MYT1L: variants seen among roughly 807,000 people sequenced by gnomAD.
The protein encoded by MYT1L is myelin transcription factor 1-like protein.
In MYT1L, 12 loss-of-function variants were observed where a neutral mutation model predicts 126.7. That is an observed-to-expected ratio of 0.09 (90% CI 0.06 to 0.15). MYT1L has a LOEUF of 0.15. Among genes scored for constraint, MYT1L ranks in the 10% least tolerant of loss-of-function variants. The pLI is 1.00. For missense variants in MYT1L, 979 were observed against 1,585.2 expected, an observed-to-expected ratio of 0.62 and a Z score of 6.49; for synonymous variants, 541 against 604.2, an observed-to-expected ratio of 0.90 and a Z score of 1.53.
chr2:1,948,668 C>T (rs892151516), intron 8 of MYT1L, among the ~76,000 whole-genome samples: 5 of 132,888 alleles, frequency 3.8e-5, no homozygotes, highest in African/African-American at 8.5e-5. Flanking sequence ...CTGGTGGTGC[C>T]GCCCAGCAAC....
At chr2:2,170,974 CTTA>C (rs2089973420) in intron 3 of MYT1L, among the ~76,000 whole-genome samples, 1 of 152,260 alleles carries the variant, frequency 6.6e-6, no homozygotes, top group East Asian at 1.9e-4. Flanking sequence ...GCGTCTTGCT[CTTA>C]TTATTATCTA....
At chr2:1,824,071 C>A (rs1273357266) in intron 21 of MYT1L, among the ~76,000 whole-genome samples, 1 of 152,196 alleles carries the variant, frequency 6.6e-6, no homozygotes, top group South Asian at 2.1e-4. Flanking sequence ...GTGCCAAGCC[C>A]TCTCCATGGG....
At chr2:2,260,452 C>A (rs2094933863) in intron 2 of MYT1L, among the ~76,000 whole-genome samples, 1 of 152,170 alleles carries the variant, frequency 6.6e-6, no homozygotes, top group Non-Finnish European at 1.5e-5. Context: ...AAACCAGAAA[C>A]TGAATGCTGT....
At chr2:1,949,435 T>G (rs1417614257) in intron 8 of MYT1L, among the ~76,000 whole-genome samples, 2 of 152,034 alleles carry the variant, frequency 1.3e-5, no homozygotes, top group African/African-American at 4.8e-5. Context: ...TCACGATGTC[T>G]TTTTGCTGTT....
intron 8 of MYT1L, among the ~76,000 whole-genome samples, chr2:1,973,986 G>A (rs1421300691): frequency 1.3e-5 from 2 of 152,216 alleles, no homozygotes; most frequent in Admixed American, 1.3e-4. Context: ...GTCAAGGTTG[G>A]TGACTTCCTA....
intron 9 of MYT1L, among the ~76,000 whole-genome samples, chr2:1,931,067 T>C (rs1177271071): frequency 6.6e-6 from 1 of 152,322 alleles, no homozygotes; most frequent in East Asian, 1.9e-4. Flanking sequence ...GCACACACCC[T>C]GCATGTGGGA....
chr2:1,835,170 G>A (rs1222433287), intron 21 of MYT1L, among the ~76,000 whole-genome samples: 1 of 152,194 alleles, frequency 6.6e-6, no homozygotes, highest in African/African-American at 2.4e-5. Context: ...TCCCCATAAA[G>A]CCATCTTAAG....
chr2:2,317,363 T>G (rs2096083656), intron 1 of MYT1L, among the ~76,000 whole-genome samples: 1 of 152,146 alleles, frequency 6.6e-6, no homozygotes. Flanking sequence ...CCTTTGAGAT[T>G]GCTGTCCATG....
chr2:1,815,715 G>T (rs1030179930), intron 21 of MYT1L, among the ~76,000 whole-genome samples: 1 of 152,206 alleles, frequency 6.6e-6, no homozygotes, highest in South Asian at 2.1e-4. Flanking sequence ...CAGAACTCCC[G>T]GCCTCTCCGC....
chr2:2,209,818 G>A (rs377635209), intron 2 of MYT1L, among the ~76,000 whole-genome samples: 2 of 152,074 alleles, frequency 1.3e-5, no homozygotes, highest in African/African-American at 4.8e-5. Context: ...ACTCAGCTGT[G>A]AGATTGCTGG....
intron 8 of MYT1L, among the ~76,000 whole-genome samples, chr2:1,956,191 G>GTCTGTCTGTCTGTCTGTCTA (rs1553354694): frequency 9.6e-5 from 14 of 145,876 alleles, no homozygotes; most frequent in South Asian, 2.2e-4. Context: ...TTACCTAGCT[G>GTCTGTCTGTCTGTCTGTCTA]TCTATCTATC....
intron 23 of MYT1L, among the ~76,000 whole-genome samples, chr2:1,794,026 G>A (rs114844152): frequency 1.6e-4 from 25 of 152,324 alleles, no homozygotes; most frequent in African/African-American, 5.1e-4. Context: ...GTAAGCAGAC[G>A]TAGGTTTTCT....
intron 2 of MYT1L, among the ~76,000 whole-genome samples, chr2:2,215,906 T>C (rs111966506): frequency 0.012 from 1,769 of 152,290 alleles, 16 homozygotes; most frequent in Non-Finnish European, 0.016. Context: ...GTTCGGGTCA[T>C]AGGGGTGGAT....
chr2:1,857,207 C>T (rs889894436), intron 18 of MYT1L, among the ~76,000 whole-genome samples: 5 of 152,224 alleles, frequency 3.3e-5, no homozygotes, highest in Admixed American at 2.0e-4. Context: ...GTGGGTCCAC[C>T]ATCATCTATC....
chr2:1,934,291 C>CATATATATATATATATAT lies in MYT1L; in HGVS notation c.505+8690_505+8691insATATATATATATATATAT, dbSNP rs71276815. On this transcript the variant is annotated intron_variant, in intron 9 of 24. Coordinates refer to ENST00000647738, the MANE Select transcript of MYT1L (RefSeq NM_001303052.2). The stretch of plus-strand genomic sequence containing the variant: ...CCCCGCCTGATTTTGATTTTTATAA[C>CATATATATATATATATAT]ATATATATATATATATACAACCTCA... 1.2e-3 allele frequency among the ~76,000 whole-genome samples: 143 copies of CATATATATATATATATAT among 123,540 alleles called. 2 individuals are homozygous for CATATATATATATATATAT. The highest frequency in any genetic ancestry group is 4.1e-3 in the African/African-American group (135 of 33,182). 81.0% of individuals were successfully genotyped at this position (123,540 alleles called of 152,430 possible).
chr2:2,005,385 CTGCTTTCTTTCCTGCG>C (rs2063155916), intron 4 of MYT1L, among the ~76,000 whole-genome samples: 1 of 126,706 alleles, frequency 7.9e-6, no homozygotes, highest in Non-Finnish European at 1.6e-5. Context: ...TCTTTCCTGC[CTGCTTTCTTTCCTGCG>C]TGCGTTCTTT....
chr2:2,143,027 G>A (rs185363044), intron 3 of MYT1L, among the ~76,000 whole-genome samples: 2,402 of 150,482 alleles, frequency 0.016, 64 homozygotes, highest in African/African-American at 0.052. Context: ...GCGGTGGCTC[G>A]AGCCTGTAAT....
At chr2:2,133,984 C>T (rs1373573031) in intron 3 of MYT1L, among the ~76,000 whole-genome samples, 8 of 152,206 alleles carry the variant, frequency 5.3e-5, no homozygotes, top group African/African-American at 1.7e-4. Context: ...TTAGAAACTG[C>T]CACTTGATCC....
Position 1,886,548 on chromosome 2 carries a change from TG to T in MYT1L, c.2701del (p.Gln901LysfsTer39). The T allele has an allele frequency of 6.3e-7, 1 of 1,577,372 alleles. No individual in the cohort carries two copies. The highest frequency in any genetic ancestry group is 8.6e-7 in the Non-Finnish European group (1 of 1,162,276). On this transcript the variant is annotated frameshift_variant, in exon 18 of 25. Coordinates refer to ENST00000647738, the MANE Select transcript of MYT1L (RefSeq NM_001303052.2). LOFTEE classifies it high-confidence loss of function. ...TGTCATTAAATCTTACTTGAGTTCTTGGGAGCTGGTGGCCAGCATACTTCGA... is the reference window on the plus strand; with the variant it reads ...TGTCATTAAATCTTACTTGAGTTCTTGGAGCTGGTGGCCAGCATACTTCGA... ...SIRSMLATSS[Q>X]ELKCPTPGCD...
Sources: gnomAD v4.1 joint callset for allele counts (sites outside exome capture counted in the v4.1 genomes callset) on GRCh38, gnomAD v4.1.1 for gene constraint, MANE v1.5 for transcripts, NCBI Gene and HGNC (gene_info 2026-07-23, HGNC 2026-07-21) for gene names.